VTI1A: variants seen among roughly 807,000 people sequenced by gnomAD.
VTI1A encodes vesicle transport through interaction with t-SNAREs 1A.
A neutral mutation model predicts 34.9 loss-of-function variants in VTI1A; 22 were observed. That is an observed-to-expected ratio of 0.63 (90% CI 0.45 to 0.90). The LOEUF (loss-of-function observed/expected upper bound fraction) is 0.90, where lower values mean the gene tolerates loss of function less well. Ranked by LOEUF, VTI1A falls within the 40% of genes least tolerant of loss-of-function variation. The pLI, the probability that VTI1A is intolerant of heterozygous loss-of-function variation, is 0.00. For synonymous variants in VTI1A, 87 were observed against 97.3 expected (o/e 0.89, Z 0.62); for missense variants, 268 against 275.6 (o/e 0.97, Z 0.20).
At chr10:112,637,455 T>G (rs916761108) in intron 5 of VTI1A, among the ~76,000 whole-genome samples, 1 of 152,044 alleles carries the variant, frequency 6.6e-6, no homozygotes, top group Non-Finnish European at 1.5e-5. Flanking sequence ...GATCACGAGG[T>G]CAAGAGATCC....
intron 7 of VTI1A, among the ~76,000 whole-genome samples, chr10:112,747,746 A>G (rs1372995556): frequency 6.6e-6 from 1 of 152,186 alleles, no homozygotes; most frequent in East Asian, 1.9e-4. Flanking sequence ...TCAAAGAGGA[A>G]TACGGAGAGT....
At chr10:112,812,425 G>A (rs1305845533) in intron 7 of VTI1A, among the ~76,000 whole-genome samples, 1 of 152,136 alleles carries the variant, frequency 6.6e-6, no homozygotes, top group Non-Finnish European at 1.5e-5. Flanking sequence ...GATTGTCTCC[G>A]AGCTCTGCAT....
chr10:112,623,946 C>T (rs1172819641), intron 5 of VTI1A, among the ~76,000 whole-genome samples: 1 of 152,162 alleles, frequency 6.6e-6, no homozygotes, highest in Non-Finnish European at 1.5e-5. Context: ...GCTGTGAAAC[C>T]TATTGTAGCA....
chr10:112,641,008 C>A (rs1341812977), intron 5 of VTI1A, among the ~76,000 whole-genome samples: 1 of 151,984 alleles, frequency 6.6e-6, no homozygotes, highest in East Asian at 1.9e-4. Flanking sequence ...TTTCATATAA[C>A]TTCAAAAGAA....
chr10:112,771,722 C>T (rs1339592977), intron 7 of VTI1A, among the ~76,000 whole-genome samples: 5 of 152,156 alleles, frequency 3.3e-5, no homozygotes, highest in East Asian at 3.9e-4. Flanking sequence ...CTCATTCCTC[C>T]AGCCCTATGC....
At chr10:112,521,056 G>A (rs574302499) in intron 3 of VTI1A, among the ~76,000 whole-genome samples, 3 of 152,024 alleles carry the variant, frequency 2.0e-5, no homozygotes, top group South Asian at 2.1e-4. Flanking sequence ...GACACAAAGT[G>A]TGCTTTCCCT....
intron 7 of VTI1A, among the ~76,000 whole-genome samples, chr10:112,739,417 G>C (rs1459570260): frequency 6.6e-6 from 1 of 152,098 alleles, no homozygotes; most frequent in African/African-American, 2.4e-5. Flanking sequence ...TGCTAATGGT[G>C]GTTATTTGGA....
chr10:112,791,229 G>A (rs1852467373), intron 7 of VTI1A, among the ~76,000 whole-genome samples: 3 of 152,010 alleles, frequency 2.0e-5, no homozygotes, highest in African/African-American at 7.3e-5. Flanking sequence ...CTGTCATCTG[G>A]GAATACAATA....
At chr10:112,588,304 T>A (rs1054509924) in intron 5 of VTI1A, among the ~76,000 whole-genome samples, 3 of 151,670 alleles carry the variant, frequency 2.0e-5, no homozygotes, top group Non-Finnish European at 4.4e-5. Context: ...CATTATGAAG[T>A]TTTTTTTTCT....
the VTI1A span, among the ~76,000 whole-genome samples, chr10:112,841,501 G>A: frequency 3.9e-5 from 6 of 152,198 alleles, no homozygotes; most frequent in African/African-American, 1.2e-4. Context: ...GAAGAGGGGC[G>A]TTGGGAGCCA....
chr10:112,758,626 T>C (rs576757163), intron 7 of VTI1A, among the ~76,000 whole-genome samples: 1 of 152,362 alleles, frequency 6.6e-6, no homozygotes, highest in East Asian at 1.9e-4. Flanking sequence ...CTGAGAAGTG[T>C]GGGATCAGGC....
At chr10:112,736,379 AG>A (rs1287768656) in intron 7 of VTI1A, among the ~76,000 whole-genome samples, 1 of 152,082 alleles carries the variant, frequency 6.6e-6, no homozygotes, top group African/African-American at 2.4e-5. Context: ...ACTAGTCTCT[AG>A]AACTACTCTC....
chr10:112,555,641 T>C (rs1851517077), intron 5 of VTI1A, among the ~76,000 whole-genome samples: 1 of 152,082 alleles, frequency 6.6e-6, no homozygotes, highest in African/African-American at 2.4e-5. Context: ...AGGTGTTAAC[T>C]TTTTAGATCA....
intron 4 of VTI1A, chr10:112,533,575 T>A (rs1850519867): frequency 9.9e-7 from 1 of 1,010,384 alleles, no homozygotes; most frequent in Non-Finnish European, 1.2e-6. Context: ...GCTTCTTTTT[T>A]TTTTTTAATT....
rs769226433 is a variant in VTI1A at position 112,447,366 on chromosome 10, G to C, written c.-8G>C. The C allele has an allele frequency of 6.2e-7, 1 of 1,612,502 alleles. No homozygotes were observed. The highest frequency in any genetic ancestry group is 1.1e-5 in the South Asian group (1 of 90,914). On this transcript the variant is annotated 5_prime_UTR_variant, in exon 1 of 8. Transcript: ENST00000393077. ...GCTTTGGCCTGGGCTACTCGTTCCG[G>C]AGCCGCCATGTCGTCCGACTTCGAA...
At chr10:112,687,201 G>A (rs1055354262) in intron 7 of VTI1A, among the ~76,000 whole-genome samples, 2 of 146,440 alleles carry the variant, frequency 1.4e-5, no homozygotes, top group African/African-American at 5.1e-5. Context: ...CAACAAAACA[G>A]GCCTAGGCAT....
At chr10:112,808,481 C>T (rs575531974) in intron 7 of VTI1A, among the ~76,000 whole-genome samples, 2 of 152,140 alleles carry the variant, frequency 1.3e-5, no homozygotes, top group African/African-American at 4.8e-5. Flanking sequence ...CAAAAATCAG[C>T]TGGGCGTGGT....
intron 5 of VTI1A, among the ~76,000 whole-genome samples, chr10:112,539,523 C>T (rs981145288): frequency 1.6e-4 from 24 of 152,154 alleles, no homozygotes; most frequent in Non-Finnish European, 2.4e-4. Flanking sequence ...GCTTTCTGCC[C>T]GGATTGGAAT....
intron 7 of VTI1A, among the ~76,000 whole-genome samples, chr10:112,802,685 T>C (rs10509965): frequency 0.21 from 31,882 of 152,274 alleles, 3,805 homozygotes; most frequent in East Asian, 0.27. Flanking sequence ...TCTAGCCCCA[T>C]GCTTTACAGA....
Sources: allele counts gnomAD v4.1 joint callset (sites outside exome capture counted in the v4.1 genomes callset), GRCh38; gene constraint gnomAD v4.1.1; transcripts MANE v1.5; gene names NCBI Gene and HGNC (gene_info 2026-07-23, HGNC 2026-07-21).